SMAD2: variants seen among roughly 807,000 people sequenced by gnomAD.
SMAD2 encodes the protein SMAD family member 2.
A neutral mutation model predicts 64.4 loss-of-function variants in SMAD2; 8 were observed. The ratio of observed to expected loss-of-function variants is 0.12; its 90% confidence interval spans 0.07 to 0.22. The LOEUF (loss-of-function observed/expected upper bound fraction) is 0.22. Ranked by LOEUF, SMAD2 falls within the 10% of genes least tolerant of loss-of-function variation. The pLI, the probability that SMAD2 is intolerant of heterozygous loss-of-function variation, is 1.00. For synonymous variants in SMAD2, 203 were observed against 195.8 expected (o/e 1.04, Z -0.31); for missense variants, 289 against 561.2 (o/e 0.51, Z 4.90).
intron 2 of SMAD2, chr18:47,882,554 T>A (rs563787057): frequency 1.3e-5 from 2 of 152,256 alleles, no homozygotes; most frequent in African/African-American, 4.8e-5. Flanking sequence ...AACTCAATTA[T>A]GATGTATTCT....
In SMAD2 at chr18:47,823,132, C is replaced by G. The variant is rs1912629613; in HGVS notation, c.*18695G>C. Reference sequence around the variant, plus strand: ...TCATATTTGAGAATGTGTAGAATGCCTGGCTTCAATGGTTCTCAGCATTAC... The same window carrying G: ...TCATATTTGAGAATGTGTAGAATGCGTGGCTTCAATGGTTCTCAGCATTAC... On this transcript the variant is annotated 3_prime_UTR_variant, in exon 11 of 11. Coordinates refer to ENST00000262160, the MANE Select transcript of SMAD2 (RefSeq NM_005901.6). 1 of 152,142 alleles carries G rather than the reference C, an allele frequency of 6.6e-6. No homozygotes were observed. The highest frequency in any genetic ancestry group is 2.4e-5 in the African/African-American group (1 of 41,432). The allele number at this position is 152,142 out of a possible 1,614,324, so 9.4% of individuals were successfully genotyped here.
In SMAD2 at chr18:47,814,030, A is replaced by G. The variant is rs1306216074; in HGVS notation, c.*27797T>C. 3 of 152,142 alleles carry G rather than the reference A, an allele frequency of 2.0e-5. No homozygotes were observed. The highest frequency in any genetic ancestry group is 4.4e-5 in the Non-Finnish European group (3 of 68,038). 9.4% of individuals were successfully genotyped at this position (152,142 alleles called of 1,614,324 possible). ...AACCTGAACTTGGCTTTGAGGAATA[A>G]AGAGTTTTATATCAGGGCATCAAGA... On this transcript the variant is annotated 3_prime_UTR_variant, in exon 11 of 11. Transcript: ENST00000262160.
intron 10 of SMAD2, chr18:47,844,800 C>T (rs1038423547): frequency 6.1e-6 from 1 of 163,562 alleles, no homozygotes; most frequent in African/African-American, 2.4e-5. Context: ...TAAAACAGCA[C>T]AGTGCCTGGC....
intron 6 of SMAD2, among the ~76,000 whole-genome samples, chr18:47,863,009 A>G (rs542094985): frequency 3.9e-5 from 6 of 152,250 alleles, no homozygotes. Context: ...AGAAAAAAGT[A>G]ACAAGTGCTT....
intron 6 of SMAD2, among the ~76,000 whole-genome samples, chr18:47,862,141 A>G (rs1020044004): frequency 6.6e-6 from 1 of 152,198 alleles, no homozygotes; most frequent in Non-Finnish European, 1.5e-5. Flanking sequence ...TGTATTTTCT[A>G]TTTATTTAAT....
At chr18:47,903,885 G>GC (rs1598869049) in intron 1 of SMAD2, among the ~76,000 whole-genome samples, 2 of 135,232 alleles carry the variant, frequency 1.5e-5, no homozygotes, top group South Asian at 2.9e-4. Flanking sequence ...GTGGGGGGGG[G>GC]GGGGACTCAG....
intron 1 of SMAD2, among the ~76,000 whole-genome samples, chr18:47,922,025 G>T (rs2034581547): frequency 6.6e-6 from 1 of 152,202 alleles, no homozygotes; most frequent in African/African-American, 2.4e-5. Context: ...AGGCCAGTAG[G>T]AAGGGAAATG....
intron 1 of SMAD2, among the ~76,000 whole-genome samples, chr18:47,916,034 T>G (rs1000196160): frequency 6.6e-6 from 1 of 152,244 alleles, no homozygotes. Context: ...TCATATGGCC[T>G]TTCTCCTTTA....
At position 47,837,087 on chromosome 18, in the gene SMAD2, C is replaced by T. The variant is rs1014101008; in HGVS notation, c.*4740G>A. ...TTCATAATCTTAAACATAATTTATG[C>T]CATTTGCCAGTCACAAAGACATTTA... On this transcript the variant is annotated 3_prime_UTR_variant, in exon 11 of 11. Transcript: ENST00000262160. 11 of 202,348 alleles carry T rather than the reference C, an allele frequency of 5.4e-5. No homozygotes were observed. The highest frequency in any genetic ancestry group is 9.1e-5 in the Non-Finnish European group (9 of 98,492). 12.5% of individuals were successfully genotyped at this position (202,348 alleles called of 1,614,324 possible). A position where few individuals can be genotyped will look rare whatever the true frequency, so the allele number is the denominator to read the frequency against.
In SMAD2 at chr18:47,834,746, A is replaced by G. The variant is rs185327929; in HGVS notation, c.*7081T>C. ...AAATCTGTTTTCAGACAAATCTTCT[A>G]AAGGTTCTTCTAGCTTTGTCCAGTT... On this transcript the variant is annotated 3_prime_UTR_variant, in exon 11 of 11. Coordinates refer to ENST00000262160, the MANE Select transcript of SMAD2 (RefSeq NM_005901.6). The G allele has an allele frequency of 4.5e-6, 1 of 221,324 alleles. No homozygotes were observed. Among genetic ancestry groups the G allele is most frequent in the Admixed American group, 5.8e-5 (1 of 17,370 alleles). 13.7% of individuals were successfully genotyped at this position (221,324 alleles called of 1,614,324 possible). A position where few individuals can be genotyped will look rare whatever the true frequency, so the allele number is the denominator to read the frequency against.
intron 6 of SMAD2, among the ~76,000 whole-genome samples, chr18:47,863,874 A>G (rs910266877): frequency 1.3e-5 from 2 of 152,034 alleles, no homozygotes; most frequent in African/African-American, 4.8e-5. Context: ...AAAGTGTTGA[A>G]CCATTTAACA....
In SMAD2 at chr18:47,834,817, G is replaced by C. The variant is rs1322271574; in HGVS notation, c.*7010C>G. On this transcript the variant is annotated 3_prime_UTR_variant, in exon 11 of 11. Transcript: ENST00000262160. ...CTCTTTTTGCAATTAATCCAGTTTT[G>C]TATGTCTTTTCTTTCTTTTTTAGGT... The C allele has an allele frequency of 9.2e-6, 2 of 218,436 alleles. No homozygotes were observed. The highest frequency in any genetic ancestry group is 1.2e-4 in the Admixed American group (2 of 17,236). 13.5% of individuals were successfully genotyped at this position (218,436 alleles called of 1,614,324 possible). A position where few individuals can be genotyped will look rare whatever the true frequency, so the allele number is the denominator to read the frequency against.
intron 7 of SMAD2, among the ~76,000 whole-genome samples, chr18:47,850,246 TTA>T (rs1485844769): frequency 1.2e-5 from 1 of 84,408 alleles, no homozygotes; most frequent in Non-Finnish European, 2.1e-5. Flanking sequence ...ATATTATATA[TTA>T]TATATATTAT....
In SMAD2 at chr18:47,820,292, T is replaced by C. The variant is rs906304494; in HGVS notation, c.*21535A>G. 5 of 152,164 alleles carry C rather than the reference T, an allele frequency of 3.3e-5. No homozygotes were observed. Among genetic ancestry groups the C allele is most frequent in the African/African-American group, 4.8e-5 (2 of 41,446 alleles). 9.4% of individuals were successfully genotyped at this position (152,164 alleles called of 1,614,324 possible). A position where few individuals can be genotyped will look rare whatever the true frequency, so the allele number is the denominator to read the frequency against. ...TGATATAACACTTCAAAATTTTGCT[T>C]CCTAGGTTTTCACTAAAAATTAAGG... On this transcript the variant is annotated 3_prime_UTR_variant, in exon 11 of 11. Coordinates refer to ENST00000262160, the MANE Select transcript of SMAD2 (RefSeq NM_005901.6).
Position 47,838,255 on chromosome 18 carries a change from A to G in SMAD2, c.*3572T>C, listed in dbSNP as rs1173163203. The G allele has an allele frequency of 4.3e-6, 1 of 233,174 alleles. No homozygotes were observed. The allele number at this position is 233,174 out of a possible 1,614,324, so 14.4% of individuals were successfully genotyped here. ...AGACAGACAAATCAAGCAAAACTCA[A>G]TGTGGCTTAAGGTAAAAAATACAAC... is the stretch of plus-strand genomic sequence containing the variant. On this transcript the variant is annotated 3_prime_UTR_variant, in exon 11 of 11. Transcript: ENST00000262160.
intron 2 of SMAD2, among the ~76,000 whole-genome samples, chr18:47,887,364 G>A (rs1170090731): frequency 2.0e-5 from 3 of 152,212 alleles, no homozygotes; most frequent in Admixed American, 2.0e-4. Context: ...TGAAATAGCA[G>A]GAAGAGGGAG....
chr18:47,816,401 T>C lies in SMAD2; in HGVS notation c.*25426A>G, dbSNP rs569011588. ...AATTGGAAAATGAGAAAAGATAGTC[T>C]GGTATAACTGCCTGAACAACTTATT... On this transcript the variant is annotated 3_prime_UTR_variant, in exon 11 of 11. Coordinates refer to ENST00000262160, the MANE Select transcript of SMAD2 (RefSeq NM_005901.6). The C allele has an allele frequency of 1.3e-5, 2 of 152,222 alleles. No individual in the cohort carries two copies. The highest frequency in any genetic ancestry group is 2.9e-5 in the Non-Finnish European group (2 of 68,044). The allele number at this position is 152,222 out of a possible 1,614,324, so 9.4% of individuals were successfully genotyped here. A position where few individuals can be genotyped will look rare whatever the true frequency, so the allele number is the denominator to read the frequency against.
chr18:47,833,379 T>C lies in SMAD2; in HGVS notation c.*8448A>G. Reference sequence around the variant, plus strand: ...ACAATTTTAACTTGAAAACCAGCTGTAATAAAGCCTCAGCTCATTGTTTAA... The same window carrying C: ...ACAATTTTAACTTGAAAACCAGCTGCAATAAAGCCTCAGCTCATTGTTTAA... On this transcript the variant is annotated 3_prime_UTR_variant, in exon 11 of 11. Transcript: ENST00000262160. 1 of 221,936 alleles carries C rather than the reference T, an allele frequency of 4.5e-6. No individual in the cohort carries two copies. The allele number at this position is 221,936 out of a possible 1,614,324, so 13.7% of individuals were successfully genotyped here.
At chr18:47,842,003 G>A (rs1913998534) in intron 10 of SMAD2, 53 bp from the exon 11 acceptor site, 1 of 1,601,254 alleles carries the variant, frequency 6.2e-7, no homozygotes, top group Non-Finnish European at 8.6e-7. Flanking sequence ...CACAGGCAGG[G>A]AAAATGGCTA....
Sources: allele counts gnomAD v4.1 joint callset (sites outside exome capture counted in the v4.1 genomes callset), GRCh38; gene constraint gnomAD v4.1.1; transcripts MANE v1.5; gene names NCBI Gene and HGNC (gene_info 2026-07-23, HGNC 2026-07-21).